The following GCKR variants were observed in gnomAD, a reference collection of about 807,000 sequenced individuals.
GCKR encodes glucokinase regulatory protein.
A neutral mutation model predicts 82.9 loss-of-function variants in GCKR; 73 were observed. The ratio of observed to expected loss-of-function variants is 0.88; its 90% CI spans 0.73 to 1.07. The LOEUF (loss-of-function observed/expected upper bound fraction) is 1.07. Among genes scored for constraint, GCKR ranks in the 50% least tolerant of loss-of-function variants. GCKR has a pLI of 0.00. For missense variants in GCKR, 784 were observed against 782.1 expected, an observed-to-expected ratio of 1.00 and a Z score of -0.03; for synonymous variants, 294 against 291.8, an observed-to-expected ratio of 1.01 and a Z score of -0.08.
rs189485742 is a variant in GCKR at position 27,499,405 on chromosome 2, C to T, written c.504C>T (p.Ala168=). 6.8e-5 allele frequency: 109 copies of T among 1,612,004 alleles called. 1 individual carries two copies. Among genetic ancestry groups the T allele is most frequent in the South Asian group, 9.9e-5 (9 of 91,046 alleles). ...CCATCCTCCTCTCCTAGGTGGCTGC[C>T]GGGAAGAAGAGAGTGATTGTCATTG... ...HGIEELKKVA[A]GKKRVIVIGI... The change falls in exon 7 of 19, where the codon GCC becomes GCT. Residue 168 remains alanine, a synonymous_variant. Transcript: ENST00000264717.
At chr2:27,506,440 G>A (rs1469553552) in intron 10 of GCKR, 41 bp from the exon 11 acceptor site, 4 of 1,316,412 alleles carry the variant, frequency 3.0e-6, no homozygotes, top group Non-Finnish European at 4.4e-6. Context: ...TTTCTGAGGG[G>A]GAATTGGGCC....
At chr2:27,506,285 C>G (rs1558437126) in intron 10 of GCKR, among the ~76,000 whole-genome samples, 196 bp from the exon 11 acceptor site, 1 of 152,160 alleles carries the variant, frequency 6.6e-6, no homozygotes, top group African/African-American at 2.4e-5. Context: ...TCTTTCTGCT[C>G]TTTTGTTTTC....
At chr2:27,509,202 T>C (rs1401151584) in intron 16 of GCKR, among the ~76,000 whole-genome samples, 1 of 152,192 alleles carries the variant, frequency 6.6e-6, no homozygotes, top group Non-Finnish European at 1.5e-5. Flanking sequence ...TTATTCGTTA[T>C]TCAAACCATG....
At chr2:27,511,399 G>C (rs1299814513) in intron 16 of GCKR, among the ~76,000 whole-genome samples, 1 of 151,496 alleles carries the variant, frequency 6.6e-6, no homozygotes. Context: ...TCAATCTTTA[G>C]CTATAGAAAT....
At chr2:27,515,939 A>ATT (rs1369462083) in intron 16 of GCKR, among the ~76,000 whole-genome samples, 4 of 135,730 alleles carry the variant, frequency 2.9e-5, no homozygotes, top group East Asian at 2.2e-4. Context: ...AATTAAACAA[A>ATT]ATTTTTTTTT....
intron 16 of GCKR, among the ~76,000 whole-genome samples, chr2:27,513,207 A>G (rs1437668452): frequency 4.6e-5 from 7 of 152,050 alleles, no homozygotes; most frequent in Admixed American, 3.3e-4. Context: ...CCTTCCATCT[A>G]TATTCAGTAG....
intron 16 of GCKR, among the ~76,000 whole-genome samples, chr2:27,516,634 C>T (rs996296567): frequency 2.0e-5 from 3 of 152,038 alleles, no homozygotes; most frequent in Non-Finnish European, 4.4e-5. Flanking sequence ...ATATCCAGGC[C>T]GATTTTTCCA....
In GCKR at chr2:27,507,783, A is replaced by G; in HGVS notation, c.1240+6A>G. 1.3e-6 allele frequency: 2 copies of G among 1,514,400 alleles called. No individual in the cohort carries two copies. The highest frequency in any genetic ancestry group is 1.8e-6 in the Non-Finnish European group (2 of 1,089,208). 93.8% of individuals were successfully genotyped at this position (1,514,400 alleles called of 1,614,324 possible). The stretch of plus-strand genomic sequence containing the variant: ...CTTCATTTTCACCCTGGATGGTGAG[A>G]GGGAAGATGGGAGTGGTGAGGGGTG... On this transcript the variant is annotated splice_donor_region_variant and intron_variant, in intron 14 of 18. Coordinates refer to ENST00000264717, the MANE Select transcript of GCKR (RefSeq NM_001486.4).
At position 27,505,730 on chromosome 2, in the gene GCKR, A is replaced by AG. The variant is rs1401130384; in HGVS notation, c.764dup (p.Ser255ArgfsTer25). On this transcript the variant is annotated frameshift_variant, in exon 10 of 19. Coordinates refer to ENST00000264717, the MANE Select transcript of GCKR (RefSeq NM_001486.4). LOFTEE classifies it high-confidence loss of function. The stretch of plus-strand genomic sequence containing the variant: ...TTCACCTCTTCAGCCCGAGGGTCTC[A>AG]GCGGCTCCTCCCGGATGAAAGGTGG... 5 of 1,602,276 alleles carry AG rather than the reference A, an allele frequency of 3.1e-6. No individual in the cohort carries two copies. Among genetic ancestry groups the AG allele is most frequent in the Non-Finnish European group, 4.3e-6 (5 of 1,169,516 alleles).
chr2:27,512,498 G>T (rs1363995959), intron 16 of GCKR, among the ~76,000 whole-genome samples: 1 of 149,270 alleles, frequency 6.7e-6, no homozygotes, highest in Non-Finnish European at 1.5e-5. Context: ...TCATGCCACT[G>T]CACTCCAGCC....
Position 27,496,984 on chromosome 2 carries a change from T to C in GCKR, c.60+20T>C, listed in dbSNP as rs746923691. The stretch of plus-strand genomic sequence containing the variant: ...TGGGAGGTGAGACCCCTTCTTCATG[T>C]TGGCTTTCTGTGCTGATTCCTAGAA... On this transcript the variant is annotated intron_variant, in intron 1 of 18. Transcript: ENST00000264717. 2.4e-5 allele frequency: 38 copies of C among 1,595,468 alleles called. 1 individual carries two copies. The South Asian group carries it at 3.5e-4, about 15-fold the overall frequency.
In GCKR at chr2:27,499,441, G is replaced by T. The variant is rs752753879; in HGVS notation, c.540G>T (p.Val180=). The change falls in exon 7 of 19, where the codon GTG becomes GTT. Residue 180 remains valine, a synonymous_variant. Transcript: ENST00000264717. ...GAGTGATTGTCATTGGCATTTCTGTGGGACTCTCTGTGAGTAAAAAGATGG... is the reference window on the plus strand; with the variant it reads ...GAGTGATTGTCATTGGCATTTCTGTTGGACTCTCTGTGAGTAAAAAGATGG... ...KKRVIVIGIS[V]GLSAPFVAGQ... is the part of the protein sequence containing the mutation. 2.5e-6 allele frequency: 4 copies of T among 1,609,344 alleles called. No homozygotes were observed. The highest frequency in any genetic ancestry group is 3.4e-6 in the Non-Finnish European group (4 of 1,175,620).
chr2:27,520,340 G>A (rs142622064), intron 17 of GCKR, among the ~76,000 whole-genome samples: 71 of 152,304 alleles, frequency 4.7e-4, no homozygotes, highest in African/African-American at 1.5e-3. Flanking sequence ...GGTGGTTATG[G>A]CTTGGATAGG....
chr2:27,499,166 G>A lies in GCKR; in HGVS notation c.453G>A (p.Gly151=). The change falls in exon 6 of 19, where the codon GGG becomes GGA. Residue 151 remains glycine (G), a synonymous_variant. Coordinates refer to ENST00000264717, the MANE Select transcript of GCKR (RefSeq NM_001486.4). The part of the protein sequence containing the change: ...GDRSVVASRE[G]TEDSALHGIE... ...GGTCTGTGGTGGCCTCTAGGGAGGG[G>A]ACAGAAGATAGTGCCTTGCACGGGA... The A allele has an allele frequency of 6.2e-7, 1 of 1,611,774 alleles. No homozygotes were observed. Among genetic ancestry groups the A allele is most frequent in the Non-Finnish European group, 8.5e-7 (1 of 1,177,970 alleles).
intron 9 of GCKR, 26 bp downstream of exon 9, chr2:27,503,645 C>T (rs1669639140): frequency 1.7e-6 from 2 of 1,168,824 alleles, no homozygotes; most frequent in Non-Finnish European, 2.6e-6. Context: ...TTTCTATGTT[C>T]TCCACCCCTC....
chr2:27,502,916 A>G (rs554218609), intron 8 of GCKR, among the ~76,000 whole-genome samples: 3 of 152,350 alleles, frequency 2.0e-5, no homozygotes, highest in Admixed American at 2.0e-4. Flanking sequence ...AGATTCCGTG[A>G]TTTGTAACTA....
chr2:27,504,359 T>C (rs1295888831), intron 9 of GCKR, among the ~76,000 whole-genome samples: 1 of 137,950 alleles, frequency 7.2e-6, no homozygotes, highest in East Asian at 2.3e-4. Flanking sequence ...CAGTCACTAC[T>C]TTTTTTTTTT....
At chr2:27,522,921 A>T (rs1670185810) in intron 18 of GCKR, among the ~76,000 whole-genome samples, 2 of 138,698 alleles carry the variant, frequency 1.4e-5, no homozygotes, top group African/African-American at 2.7e-5. Context: ...TTTGAGAGAG[A>T]GTCTTGCTCT....
chr2:27,501,110 T>A, intron 7 of GCKR, 25 bp from the exon 8 acceptor site: 2 of 1,526,586 alleles, frequency 1.3e-6, no homozygotes, highest in East Asian at 2.2e-5. Context: ...CCCCTCATCA[T>A]GCCCTTCTCT....
Sources: allele counts gnomAD v4.1 joint callset (sites outside exome capture counted in the v4.1 genomes callset), GRCh38; gene constraint gnomAD v4.1.1; transcripts MANE v1.5; gene names NCBI Gene and HGNC (gene_info 2026-07-23, HGNC 2026-07-21).